BHLHE23: variants seen among roughly 807,000 people sequenced by gnomAD.
BHLHE23 encodes the protein basic helix-loop-helix family member e23, also known as class E basic helix-loop-helix protein 23.
For synonymous variants in BHLHE23, 204 were observed against 184.4 expected (o/e 1.11, Z -0.86); for missense variants, 401 against 380.0 (o/e 1.06, Z -0.46).
chr20:63,006,313 G>A lies in BHLHE23; in HGVS notation c.462C>T (p.Leu154=), dbSNP rs115571516. 6.2e-7 allele frequency: 1 copy of A among 1,611,532 alleles called. No homozygotes were observed. The highest frequency in any genetic ancestry group is 1.3e-5 in the African/African-American group (1 of 74,992). Residue 154 remains leucine, a synonymous_variant, in exon 1 of 1, where the codon CTC becomes CTT. Transcript: ENST00000612929. ...CGAGCAGCAGCGTGGCGATCTTGGAGAGCTTGCGCACCGACGGGCTGTGCG... is the reference window on the plus strand; with the variant it reads ...CGAGCAGCAGCGTGGCGATCTTGGAAAGCTTGCGCACCGACGGGCTGTGCG... ...PYAHSPSVRK[L]SKIATLLLAK... is the part of the protein sequence containing the mutation.
Position 63,006,536 on chromosome 20 carries a change from C to T in BHLHE23, c.239G>A (p.Ser80Asn). 1 of 1,297,728 alleles carries T rather than the reference C, an allele frequency of 7.7e-7. No homozygotes were observed. Among genetic ancestry groups the T allele is most frequent in the Non-Finnish European group, 9.7e-7 (1 of 1,031,234 alleles). The allele number at this position is 1,297,728 out of a possible 1,614,324, so 80.4% of individuals were successfully genotyped here. Residue 80 changes from serine to asparagine, a missense_variant, in exon 1 of 1, where the codon AGC becomes AAC. Transcript: ENST00000612929. ...APRAPAQAAESSGEQSGDEDD... is the reference protein window; with the variant it reads ...APRAPAQAAENSGEQSGDEDD... ...CTCGTCCCCGCTCTGTTCGCCGCTG[C>T]TCTCCGCCGCCTGAGCTGGGGCGCG... is the stretch of plus-strand genomic sequence containing the variant.
rs759489618 is a variant in BHLHE23, at chr20:63,006,264, C to G, written c.511G>C (p.Ala171Pro). ...LLAKNYILMQ[A>P]QALDEMRRLV... is the part of the protein sequence containing the mutation. ...CGCCGCATCTCGTCCAGGGCCTGCGCCTGCATGAGGATATAGTTCTTGGCG... is the reference window on the plus strand; with the variant it reads ...CGCCGCATCTCGTCCAGGGCCTGCGGCTGCATGAGGATATAGTTCTTGGCG... Residue 171 changes from alanine to proline, a missense_variant, in exon 1 of 1, where the codon GCG becomes CCG. Ala to Pro is a conservative substitution (Grantham distance 27). Transcript: ENST00000612929. The G allele has an allele frequency of 6.2e-7, 1 of 1,611,292 alleles. No homozygotes were observed. The highest frequency in any genetic ancestry group is 2.2e-5 in the East Asian group (1 of 44,852).
Position 63,006,116 on chromosome 20 carries a change from G to A in BHLHE23, c.659C>T (p.Pro220Leu), listed in dbSNP as rs746196902. ...CCCGGAGAAGGCGGCGCACTTGTCA[G>A]GGCAGGGCCCCAGGGCGGCGCCTGC... ...FSAGAALGPC[P>L]DKCAAFSGTP... Residue 220 changes from proline (P) to leucine (L), a missense_variant, in exon 1 of 1, where the codon CCT becomes CTT. Transcript: ENST00000612929. 3 of 1,549,174 alleles carry A rather than the reference G, an allele frequency of 1.9e-6. No homozygotes were observed. Among genetic ancestry groups the A allele is most frequent in the South Asian group, 2.4e-5 (2 of 84,360 alleles).
In BHLHE23 at chr20:63,006,207, G is replaced by C. The variant is rs1322870031; in HGVS notation, c.568C>G (p.Leu190Val). The C allele has an allele frequency of 1.3e-6, 2 of 1,597,434 alleles. No individual in the cohort carries two copies. The highest frequency in any genetic ancestry group is 1.7e-5 in the Admixed American group (1 of 58,308). ...GGCGCGGCGTTTACGGGCGCGGCCAGGCCCTGGCCCTGGTTGAGGAAGGCC... is the reference window on the plus strand; with the variant it reads ...GGCGCGGCGTTTACGGGCGCGGCCACGCCCTGGCCCTGGTTGAGGAAGGCC... ...LVAFLNQGQG[L>V]AAPVNAAPLT... The change falls in exon 1 of 1, where the codon CTG becomes GTG. Residue 190 changes from leucine (L) to valine (V), a missense_variant. Leu to Val is a conservative substitution (Grantham distance 32, BLOSUM62 1). Transcript: ENST00000612929.
At position 63,006,182 on chromosome 20, in the gene BHLHE23, G is replaced by A. The variant is rs746248177; in HGVS notation, c.593C>T (p.Pro198Leu). 3 of 1,575,792 alleles carry A rather than the reference G, an allele frequency of 1.9e-6. No homozygotes were observed. Among genetic ancestry groups the A allele is most frequent in the Non-Finnish European group, 2.6e-6 (3 of 1,163,454 alleles). The change falls in exon 1 of 1, where the codon CCC (proline) becomes CTC (leucine). Residue 198 changes from proline to leucine, a missense_variant. Pro to Leu is a moderately conservative substitution (Grantham distance 98, BLOSUM62 -3). Transcript: ENST00000612929. ...AGTGGCCTGGCCGAAGGGCGTCAAG[G>A]GCGCGGCGTTTACGGGCGCGGCCAG... Reference protein sequence around the residue: ...QGLAAPVNAAPLTPFGQATVC... With the variant: ...QGLAAPVNAALLTPFGQATVC...
Position 63,006,633 on chromosome 20 carries a change from G to C in BHLHE23, c.142C>G (p.Arg48Gly). Residue 48 changes from arginine (R) to glycine (G), a missense_variant, in exon 1 of 1, where the codon CGA (arginine) becomes GGA (glycine). Physicochemically the swap from Arg to Gly is moderately radical, Grantham distance 125. Coordinates refer to ENST00000612929, the MANE Select transcript of BHLHE23 (RefSeq NM_080606.4). ...TAGCCGCGGGCCGCTTCGGGTTCTCGCGCCGCCCCGTAGGCGAGACCCGCA... is the reference window on the plus strand; with the variant it reads ...TAGCCGCGGGCCGCTTCGGGTTCTCCCGCCGCCCCGTAGGCGAGACCCGCA... The part of the protein sequence containing the change: ...AAAGLAYGAA[R>G]EPEAARGYGT... 1 of 1,357,394 alleles carries C rather than the reference G, an allele frequency of 7.4e-7. No homozygotes were observed. Among genetic ancestry groups the C allele is most frequent in the East Asian group, 3.2e-5 (1 of 31,674 alleles). The allele number at this position is 1,357,394 out of a possible 1,614,324, so 84.1% of individuals were successfully genotyped here. A position where few individuals can be genotyped will look rare whatever the true frequency, so the allele number is the denominator to read the frequency against.
In BHLHE23 at chr20:63,006,694, C is replaced by A; in HGVS notation, c.81G>T (p.Ala27=). 7.3e-7 allele frequency: 1 copy of A among 1,366,932 alleles called. No homozygotes were observed. The highest frequency in any genetic ancestry group is 9.4e-7 in the Non-Finnish European group (1 of 1,060,694). 84.7% of individuals were successfully genotyped at this position (1,366,932 alleles called of 1,614,324 possible). The change falls in exon 1 of 1, where the codon GCG becomes GCT. Residue 27 remains alanine, a synonymous_variant. Coordinates refer to ENST00000612929, the MANE Select transcript of BHLHE23 (RefSeq NM_080606.4). Reference sequence around the variant, plus strand: ...CGTAGCCGTGGCTTAGTGCCAGGTACGCGTCCCCCGACAGCGACTTGAGCT... The same window carrying A: ...CGTAGCCGTGGCTTAGTGCCAGGTAAGCGTCCCCCGACAGCGACTTGAGCT... ...MAELKSLSGD[A]YLALSHGYAA...
chr20:63,006,528 C>A lies in BHLHE23; in HGVS notation c.247G>T (p.Glu83Ter). The A allele has an allele frequency of 7.7e-7, 1 of 1,300,116 alleles. No homozygotes were observed. Among genetic ancestry groups the A allele is most frequent in the Non-Finnish European group, 9.7e-7 (1 of 1,032,786 alleles). 80.5% of individuals were successfully genotyped at this position (1,300,116 alleles called of 1,614,324 possible). A position where few individuals can be genotyped will look rare whatever the true frequency, so the allele number is the denominator to read the frequency against. The change falls in exon 1 of 1, where the codon GAA (glutamate) becomes TAA (stop). Residue 83 changes from glutamate (E) to a stop codon, truncating the protein, a stop_gained. Transcript: ENST00000612929. LOFTEE classifies it low-confidence loss of function (END_TRUNC). ...APAQAAESSGEQSGDEDDAFE... is the reference protein window; with the variant it reads ...APAQAAESSG Reference sequence around the variant, plus strand: ...GCGTCGTCCTCGTCCCCGCTCTGTTCGCCGCTGCTCTCCGCCGCCTGAGCT... The same window carrying A: ...GCGTCGTCCTCGTCCCCGCTCTGTTAGCCGCTGCTCTCCGCCGCCTGAGCT...
Position 63,006,561 on chromosome 20 carries a change from G to A in BHLHE23, c.214C>T (p.Arg72Cys), listed in dbSNP as rs1388870271. The A allele has an allele frequency of 2.3e-6, 3 of 1,288,572 alleles. No individual in the cohort carries two copies. The South Asian group carries it at 7.5e-5, about 32-fold the overall frequency. The allele number at this position is 1,288,572 out of a possible 1,614,324, so 79.8% of individuals were successfully genotyped here. A position where few individuals can be genotyped will look rare whatever the true frequency, so the allele number is the denominator to read the frequency against. The change falls in exon 1 of 1, where the codon CGC becomes TGC. Residue 72 changes from arginine (R) to cysteine (C), a missense_variant. Coordinates refer to ENST00000612929, the MANE Select transcript of BHLHE23 (RefSeq NM_080606.4). ...GGDLPAAPAP[R>C]APAQAAESSG... ...CTCTCCGCCGCCTGAGCTGGGGCGCGAGGTGCAGGCGCCGCGGGGAGGTCG... is the reference window on the plus strand; with the variant it reads ...CTCTCCGCCGCCTGAGCTGGGGCGCAAGGTGCAGGCGCCGCGGGGAGGTCG...
Position 63,006,445 on chromosome 20 carries a change from C to A in BHLHE23, c.330G>T (p.Arg110=). Residue 110 remains arginine (R), a synonymous_variant, in exon 1 of 1, where the codon CGG becomes CGT. Coordinates refer to ENST00000612929, the MANE Select transcript of BHLHE23 (RefSeq NM_080606.4). ...GPGSAADGRR[R]PREQRSLRLS... is the part of the protein sequence containing the mutation. ...GCCGCAGAGACCGCTGCTCTCGCGG[C>A]CGCCGCCGCCCGTCCGCCGCGCTCC... is the stretch of plus-strand genomic sequence containing the variant. 6.9e-7 allele frequency: 1 copy of A among 1,449,266 alleles called. No individual in the cohort carries two copies. Among genetic ancestry groups the A allele is most frequent in the Non-Finnish European group, 9.0e-7 (1 of 1,111,140 alleles). 89.8% of individuals were successfully genotyped at this position (1,449,266 alleles called of 1,614,324 possible).
chr20:63,006,478 G>C lies in BHLHE23; in HGVS notation c.297C>G (p.Arg99=). The change falls in exon 1 of 1, where the codon CGC becomes CGG. Residue 99 remains arginine (R), a synonymous_variant. Coordinates refer to ENST00000612929, the MANE Select transcript of BHLHE23 (RefSeq NM_080606.4). ...GCCCGTCCGCCGCGCTCCCTGGCCCGCGCCGCCGCCGCCGCTGCTCGAAGG... is the reference window on the plus strand; with the variant it reads ...GCCCGTCCGCCGCGCTCCCTGGCCCCCGCCGCCGCCGCCGCTGCTCGAAGG... ...DDAFEQRRRR[R]GPGSAADGRR... 7.5e-7 allele frequency: 1 copy of C among 1,335,434 alleles called. No individual in the cohort carries two copies. The highest frequency in any genetic ancestry group is 4.1e-5 in the Admixed American group (1 of 24,582). 82.7% of individuals were successfully genotyped at this position (1,335,434 alleles called of 1,614,324 possible).
At position 63,006,699 on chromosome 20, in the gene BHLHE23, C is replaced by A; in HGVS notation, c.76G>T (p.Asp26Tyr). ...AMAELKSLSG[D>Y]AYLALSHGYA... ...CCGTGGCTTAGTGCCAGGTACGCGT[C>A]CCCCGACAGCGACTTGAGCTCGGCC... The change falls in exon 1 of 1, where the codon GAC (aspartate) becomes TAC (tyrosine). Residue 26 changes from aspartate (D) to tyrosine (Y), a missense_variant. Coordinates refer to ENST00000612929, the MANE Select transcript of BHLHE23 (RefSeq NM_080606.4). 7.3e-7 allele frequency: 1 copy of A among 1,365,064 alleles called. No homozygotes were observed. Among genetic ancestry groups the A allele is most frequent in the Non-Finnish European group, 9.4e-7 (1 of 1,060,016 alleles). 84.6% of individuals were successfully genotyped at this position (1,365,064 alleles called of 1,614,324 possible).
At position 63,006,364 on chromosome 20, in the gene BHLHE23, G is replaced by C; in HGVS notation, c.411C>G (p.Asp137Glu). ...RRMHDLNDAL[D>E]GLRAVIPYAH... ...CGTAGGGGATGACGGCTCGCAGCCC[G>C]TCCAGCGCGTCGTTTAGGTCGTGCA... The change falls in exon 1 of 1, where the codon GAC becomes GAG. Residue 137 changes from aspartate (D) to glutamate (E), a missense_variant. Transcript: ENST00000612929. 6.2e-7 allele frequency: 1 copy of C among 1,607,756 alleles called. No individual in the cohort carries two copies. The highest frequency in any genetic ancestry group is 8.5e-7 in the Non-Finnish European group (1 of 1,179,312).
Position 63,006,871 on chromosome 20 carries a change from G to A in BHLHE23, c.-97C>T, listed in dbSNP as rs1406486056. The A allele has an allele frequency of 1.6e-6, 2 of 1,222,212 alleles. No homozygotes were observed. The highest frequency in any genetic ancestry group is 1.6e-5 in the African/African-American group (1 of 63,822). The allele number at this position is 1,222,212 out of a possible 1,614,324, so 75.7% of individuals were successfully genotyped here. On this transcript the variant is annotated 5_prime_UTR_variant, in exon 1 of 1. Transcript: ENST00000612929. ...TGCGCGTCGGTCTGGCTTGCCTGCG[G>A]GTCCCAGAGCCTCGGCGCCCGCTGC...
rs774677148 is a variant in BHLHE23 at position 63,006,702 on chromosome 20, CCG to C, written c.71_72del (p.Ser24TrpfsTer197). 1 of 1,364,550 alleles carries C rather than the reference CCG, an allele frequency of 7.3e-7. No homozygotes were observed. Among genetic ancestry groups the C allele is most frequent in the African/African-American group, 1.5e-5 (1 of 65,952 alleles). The allele number at this position is 1,364,550 out of a possible 1,614,324, so 84.5% of individuals were successfully genotyped here. A position where few individuals can be genotyped will look rare whatever the true frequency, so the allele number is the denominator to read the frequency against. On this transcript the variant is annotated frameshift_variant, in exon 1 of 1. Coordinates refer to ENST00000612929, the MANE Select transcript of BHLHE23 (RefSeq NM_080606.4). LOFTEE classifies it low-confidence loss of function (END_TRUNC). ...GAAMAELKSLSGDAYLALSHG... is the reference protein window; with the variant it reads ...GAAMAELKSLXGDAYLALSHG... Reference sequence around the variant, plus strand: ...TGGCTTAGTGCCAGGTACGCGTCCCCCGACAGCGACTTGAGCTCGGCCATGGC... The same window carrying C: ...TGGCTTAGTGCCAGGTACGCGTCCCCACAGCGACTTGAGCTCGGCCATGGC...
rs1020981993 is a variant in BHLHE23, at chr20:63,006,404, C to T, written c.371G>A (p.Arg124His). The T allele has an allele frequency of 6.9e-6, 11 of 1,586,174 alleles. No homozygotes were observed. The African/African-American group carries it at 1.5e-4, about 22-fold the overall frequency. Residue 124 changes from arginine (R) to histidine (H), a missense_variant, in exon 1 of 1, where the codon CGC becomes CAC. By Grantham distance (29) the Arg-to-His change is conservative. Coordinates refer to ENST00000612929, the MANE Select transcript of BHLHE23 (RefSeq NM_080606.4). ...TAGGTCGTGCATGCGCCGCCGCTCG[C>T]GCGCGTTGATGCTGAGCCGCAGAGA... ...QRSLRLSINARERRRMHDLND... is the reference protein window; with the variant it reads ...QRSLRLSINAHERRRMHDLND...
Position 63,005,974 on chromosome 20 carries a change from C to T in BHLHE23, c.*75G>A, listed in dbSNP as rs1356506409. ...CCTGGTCTGCAGGGTCCCTCCAGGC[C>T]TTTCCTGTCCGGGCAGAGAGACAGT... On this transcript the variant is annotated 3_prime_UTR_variant, in exon 1 of 1. Coordinates refer to ENST00000612929, the MANE Select transcript of BHLHE23 (RefSeq NM_080606.4). 5.5e-6 allele frequency: 8 copies of T among 1,442,742 alleles called. No homozygotes were observed. Among genetic ancestry groups the T allele is most frequent in the African/African-American group, 1.5e-5 (1 of 68,946 alleles). The allele number at this position is 1,442,742 out of a possible 1,614,324, so 89.4% of individuals were successfully genotyped here. A position where few individuals can be genotyped will look rare whatever the true frequency, so the allele number is the denominator to read the frequency against.
chr20:63,006,453 G>T lies in BHLHE23; in HGVS notation c.322C>A (p.Arg108=), dbSNP rs1355522630. The T allele has an allele frequency of 5.6e-6, 8 of 1,439,222 alleles. No homozygotes were observed. The highest frequency in any genetic ancestry group is 1.5e-5 in the African/African-American group (1 of 66,800). 89.2% of individuals were successfully genotyped at this position (1,439,222 alleles called of 1,614,324 possible). The change falls in exon 1 of 1, where the codon CGG becomes AGG. Residue 108 remains arginine, a synonymous_variant. Transcript: ENST00000612929. ...GACCGCTGCTCTCGCGGCCGCCGCCGCCCGTCCGCCGCGCTCCCTGGCCCG... is the reference window on the plus strand; with the variant it reads ...GACCGCTGCTCTCGCGGCCGCCGCCTCCCGTCCGCCGCGCTCCCTGGCCCG... ...RRGPGSAADG[R]RRPREQRSLR...
chr20:63,006,477 C>T lies in BHLHE23; in HGVS notation c.298G>A (p.Gly100Arg), dbSNP rs528806517. ...CGCCCGTCCGCCGCGCTCCCTGGCC[C>T]GCGCCGCCGCCGCCGCTGCTCGAAG... ...DAFEQRRRRRGPGSAADGRRR... is the reference protein window; with the variant it reads ...DAFEQRRRRRRPGSAADGRRR... Residue 100 changes from glycine (G) to arginine (R), a missense_variant, in exon 1 of 1, where the codon GGG becomes AGG. By Grantham distance (125) the Gly-to-Arg change is moderately radical (BLOSUM62 -2). Coordinates refer to ENST00000612929, the MANE Select transcript of BHLHE23 (RefSeq NM_080606.4). The T allele has an allele frequency of 5.8e-5, 77 of 1,337,422 alleles. 3 individuals carry two copies. In the South Asian group the frequency reaches 1.4e-3, roughly 24 times the overall value. 82.8% of individuals were successfully genotyped at this position (1,337,422 alleles called of 1,614,324 possible).
Sources: gnomAD v4.1 joint callset for allele counts on GRCh38, gnomAD v4.1.1 for gene constraint, MANE v1.5 for transcripts, NCBI Gene and HGNC (gene_info 2026-07-23, HGNC 2026-07-21) for gene names.